The following MED19 variants were observed in gnomAD, a reference collection of about 807,000 sequenced individuals.
MED19 encodes the protein mediator complex subunit 19, also known as mediator of RNA polymerase II transcription subunit 19.
Under a neutral mutation model 19.9 loss-of-function variants are expected in MED19, and 4 were observed. That is an observed-to-expected ratio of 0.20 (90% CI 0.10 to 0.46). The LOEUF (loss-of-function observed/expected upper bound fraction) is 0.46. Among genes scored for constraint, MED19 ranks in the 20% least tolerant of loss-of-function variants. The pLI is 0.99. For missense variants in MED19, 303 were observed against 318.7 expected, an observed-to-expected ratio of 0.95 and a Z score of 0.38; for synonymous variants, 139 against 119.6, an observed-to-expected ratio of 1.16 and a Z score of -1.06.
chr11:57,708,607 TTG>T (rs1241357650), intron 1 of MED19, among the ~76,000 whole-genome samples: 2 of 152,346 alleles, frequency 1.3e-5, no homozygotes, highest in Admixed American at 6.5e-5. Flanking sequence ...TTAATTGCTG[TTG>T]TGAGGCATGA....
At chr11:57,706,640 C>T (rs2135416160) in intron 1 of MED19, among the ~76,000 whole-genome samples, 1 of 151,284 alleles carries the variant, frequency 6.6e-6, no homozygotes, top group Admixed American at 6.6e-5. Flanking sequence ...ACAGTAGTGG[C>T]ACACACCTGT....
At chr11:57,704,748 T>C (rs1452381656) in exon 3 of MED19, 3 of 1,603,682 alleles carry the variant, frequency 1.9e-6, no homozygotes, top group Non-Finnish European at 2.6e-6. Flanking sequence ...GGTACGGCTC[T>C]GTTTGTGCTT....
intron 1 of MED19, among the ~76,000 whole-genome samples, chr11:57,706,240 T>C (rs562092093): frequency 1.5e-4 from 23 of 152,186 alleles, no homozygotes; most frequent in Non-Finnish European, 2.5e-4. Context: ...CTCCGCCTCC[T>C]AGGTTCAAGT....
Position 57,704,669 on chromosome 11 carries a change from G to GTTTTTT in MED19, c.571+44_571+49dup, listed in dbSNP as rs34198151. On this transcript the variant is annotated intron_variant, in intron 3 of 4. Transcript: ENST00000431606. ...GTTCAAACCAGATTCAGAAGGTCAG[G>GTTTTTT]TTTTTTTTTTTTTTTTTTTTTTTTT... 3,255 of 1,283,334 alleles carry GTTTTTT rather than the reference G, an allele frequency of 2.5e-3. 4 individuals carry two copies. The highest frequency in any genetic ancestry group is 3.9e-3 in the African/African-American group (191 of 48,492). The allele number at this position is 1,283,334 out of a possible 1,614,324, so 79.5% of individuals were successfully genotyped here. A position where few individuals can be genotyped will look rare whatever the true frequency, so the allele number is the denominator to read the frequency against.
At chr11:57,705,229 C>A in exon 2 of MED19, 1 of 1,613,358 alleles carries the variant, frequency 6.2e-7, no homozygotes, top group East Asian at 2.2e-5. Context: ...CTCTGTGCTA[C>A]CTAGACAACG....
At chr11:57,704,690 T>TTTTTTTTTG in intron 3 of MED19, 29 bp downstream of exon 3, 1 of 1,581,260 alleles carries the variant, frequency 6.3e-7, no homozygotes. Context: ...TTTTTTTTTT[T>TTTTTTTTTG]TTTTGCTTTG....
chr11:57,712,009 C>T (rs575304143), exon 1 of MED19: 2 of 1,531,244 alleles, frequency 1.3e-6, no homozygotes, highest in Middle Eastern at 1.8e-4. Flanking sequence ...CAGCTCCTGA[C>T]TTGTCCGCGC....
At chr11:57,706,421 G>A (rs1209427474) in intron 1 of MED19, among the ~76,000 whole-genome samples, 2 of 152,074 alleles carry the variant, frequency 1.3e-5, no homozygotes, top group Non-Finnish European at 2.9e-5. Flanking sequence ...CCAAAGTGCC[G>A]GGATTACAGG....
At chr11:57,711,932 T>C (rs1565206622) in intron 1 of MED19, 31 bp downstream of exon 1, 5 of 1,400,968 alleles carry the variant, frequency 3.6e-6, no homozygotes, top group Admixed American at 3.2e-5. Flanking sequence ...TAAGATTTGA[T>C]TGGCTGGCTT....
At chr11:57,703,848 G>T in exon 5 of MED19, 1 of 800,656 alleles carries the variant, frequency 1.2e-6, no homozygotes, top group Non-Finnish European at 1.8e-6. Flanking sequence ...AAACCAACTG[G>T]GATGAGCCTA....
At chr11:57,707,858 A>G (rs987553304) in intron 1 of MED19, among the ~76,000 whole-genome samples, 7 of 152,138 alleles carry the variant, frequency 4.6e-5, no homozygotes, top group Non-Finnish European at 7.3e-5. Context: ...TTTTTGAGAC[A>G]GTCTCGCTCT....
chr11:57,704,327 T>C, exon 4 of MED19: 1 of 1,535,364 alleles, frequency 6.5e-7, no homozygotes, highest in Non-Finnish European at 8.7e-7. Context: ...CTCTTTCTTC[T>C]TCCTTTTCCG....
chr11:57,705,085 G>C, exon 2 of MED19: 1 of 1,614,150 alleles, frequency 6.2e-7, no homozygotes, highest in Non-Finnish European at 8.5e-7. Flanking sequence ...GTTATCATGG[G>C]AACCAGGCAG....
At chr11:57,705,619 A>G (rs963055608) in intron 1 of MED19, among the ~76,000 whole-genome samples, 1 of 150,290 alleles carries the variant, frequency 6.7e-6, no homozygotes, top group Admixed American at 6.7e-5. Context: ...GCGCCACTGC[A>G]CTCCAGCCTG....
intron 1 of MED19, among the ~76,000 whole-genome samples, 154 bp downstream of exon 1, chr11:57,711,809 T>C (rs1233722144): frequency 6.6e-6 from 1 of 152,116 alleles, no homozygotes; most frequent in Non-Finnish European, 1.5e-5. Context: ...ATCCCTCTGC[T>C]TGTGAATCCT....
intron 1 of MED19, among the ~76,000 whole-genome samples, chr11:57,707,917 C>T (rs1225001223): frequency 1.3e-5 from 2 of 152,202 alleles, no homozygotes; most frequent in African/African-American, 4.8e-5. Context: ...ACTGCAATCT[C>T]TGCATCCTGG....
chr11:57,712,125 T>C lies in MED19; in HGVS notation c.55A>G (p.Thr19Ala), dbSNP rs962769939. The C allele has an allele frequency of 5.8e-5, 88 of 1,529,674 alleles. No homozygotes were observed. The highest frequency in any genetic ancestry group is 2.6e-4 in the African/African-American group (19 of 71,930). 94.8% of individuals were successfully genotyped at this position (1,529,674 alleles called of 1,614,324 possible). A position where few individuals can be genotyped will look rare whatever the true frequency, so the allele number is the denominator to read the frequency against. The change falls in exon 1 of 5, where the codon ACC becomes GCC. Residue 19 changes from threonine to alanine, a missense_variant. Physicochemically the swap from Thr to Ala is moderately conservative, Grantham distance 58 (BLOSUM62 0). Transcript: ENST00000431606. ...TTTCCTGGTCCGAAGCCGAGTGCGGTTGGGGGCGGTGGTGGGTCAGCCTGA... is the reference window on the plus strand; with the variant it reads ...TTTCCTGGTCCGAAGCCGAGTGCGGCTGGGGGCGGTGGTGGGTCAGCCTGA...
At chr11:57,705,100 A>G in exon 2 of MED19, 4 of 1,614,174 alleles carry the variant, frequency 2.5e-6, no homozygotes, top group Non-Finnish European at 2.5e-6. Flanking sequence ...AGGCAGATCA[A>G]TCATCCCTGG....
At chr11:57,704,517 A>G (rs891256877) in intron 3 of MED19, 121 bp from the exon 4 acceptor site, 51 of 1,580,150 alleles carry the variant, frequency 3.2e-5, no homozygotes, top group Non-Finnish European at 6.8e-6. Flanking sequence ...ATGGCCAGAA[A>G]GGATACAGAG....
Sources: allele counts gnomAD v4.1 joint callset (sites outside exome capture counted in the v4.1 genomes callset), GRCh38; gene constraint gnomAD v4.1.1; transcripts MANE v1.5; gene names NCBI Gene and HGNC (gene_info 2026-07-23, HGNC 2026-07-21).